The following DOCK2 variants were observed in gnomAD, a reference collection of about 807,000 sequenced individuals.
DOCK2 encodes the protein dedicator of cytokinesis protein 2.
A neutral mutation model predicts 248.9 loss-of-function variants in DOCK2; 87 were observed. The ratio of observed to expected loss-of-function variants is 0.35; its 90% CI spans 0.29 to 0.42. DOCK2 has a LOEUF of 0.42. Among genes scored for constraint, DOCK2 ranks in the 10% least tolerant of loss-of-function variants. DOCK2 has a pLI of 1.00. For synonymous variants in DOCK2, 805 were observed against 821.6 expected (o/e 0.98, Z 0.35); for missense variants, 1,747 against 2,300.2 (o/e 0.76, Z 4.92).
intron 27 of DOCK2, among the ~76,000 whole-genome samples, chr5:169,953,411 A>G (rs1231785362): frequency 1.3e-5 from 2 of 151,424 alleles, no homozygotes; most frequent in Admixed American, 6.6e-5. Context: ...AGCTTCCTCT[A>G]TTTCTGAGAG....
chr5:169,786,462 G>A (rs776605854), intron 25 of DOCK2, among the ~76,000 whole-genome samples: 7 of 152,146 alleles, frequency 4.6e-5, no homozygotes, highest in African/African-American at 9.7e-5. Flanking sequence ...TTAATGAGAT[G>A]ATGAAACCGA....
intron 21 of DOCK2, 55 bp downstream of exon 21, chr5:169,717,539 G>C (rs2113552980): frequency 1.3e-6 from 2 of 1,500,378 alleles, no homozygotes; most frequent in Non-Finnish European, 1.9e-6. Flanking sequence ...GCCCTGCCAG[G>C]ATGCCTAGGG....
intron 44 of DOCK2, among the ~76,000 whole-genome samples, chr5:170,058,040 TC>T (rs1317235469): frequency 6.6e-6 from 1 of 152,168 alleles, no homozygotes; most frequent in Non-Finnish European, 1.5e-5. Context: ...CTGTGCAGTA[TC>T]CCAATATGAA....
chr5:169,965,780 A>G (rs936260802), intron 27 of DOCK2, among the ~76,000 whole-genome samples: 2 of 152,244 alleles, frequency 1.3e-5, no homozygotes, highest in African/African-American at 4.8e-5. Context: ...TTGATGTTAC[A>G]GATGAGGAAA....
At position 169,711,996 on chromosome 5, in the gene DOCK2, C is replaced by T. The variant is rs1328532960; in HGVS notation, c.1544C>T (p.Ser515Leu). 1 of 1,614,100 alleles carries T rather than the reference C, an allele frequency of 6.2e-7. No homozygotes were observed. The highest frequency in any genetic ancestry group is 8.5e-7 in the Non-Finnish European group (1 of 1,179,974). Residue 515 changes from serine to leucine, a missense_variant, in exon 16 of 52, where the codon TCA becomes TTA. By Grantham distance (145) the Ser-to-Leu change is moderately radical. Around this residue, in one of 4 missense-constraint regions of DOCK2, gnomAD observed 858 missense variants for 1,183.5 expected, o/e 0.72. Coordinates refer to ENST00000520908, the MANE Select transcript of DOCK2 (RefSeq NM_004946.3). ...CTGCGATTCATGTTTCGACATCGGTCATCTCTGGAATGTGAGTACCATACT... is the reference window on the plus strand; with the variant it reads ...CTGCGATTCATGTTTCGACATCGGTTATCTCTGGAATGTGAGTACCATACT... Reference protein sequence around the residue: ...IHLRFMFRHRSSLESKDKGEK... With the variant: ...IHLRFMFRHRLSLESKDKGEK...
intron 13 of DOCK2, among the ~76,000 whole-genome samples, chr5:169,700,475 G>A (rs770576303): frequency 2.0e-5 from 3 of 150,926 alleles, no homozygotes; most frequent in African/African-American, 4.9e-5. Flanking sequence ...TTTTATACAT[G>A]CAGAACAGTT....
intron 41 of DOCK2, among the ~76,000 whole-genome samples, chr5:170,053,361 C>T (rs946117029): frequency 2.0e-5 from 3 of 152,244 alleles, no homozygotes; most frequent in Admixed American, 1.3e-4. Flanking sequence ...TACTCAGCTC[C>T]GCTGTTGTAG....
intron 27 of DOCK2, among the ~76,000 whole-genome samples, chr5:169,872,220 C>G (rs762497629): frequency 1.3e-5 from 2 of 152,196 alleles, no homozygotes; most frequent in African/African-American, 2.4e-5. Flanking sequence ...TACTGACCTC[C>G]TGCAACTTTC....
At chr5:169,729,126 G>A (rs1025879595) in intron 22 of DOCK2, among the ~76,000 whole-genome samples, 5 of 152,176 alleles carry the variant, frequency 3.3e-5, no homozygotes, top group Admixed American at 6.5e-5. Context: ...CTGAATAAAC[G>A]TGTAGATTTA....
At chr5:170,057,253 C>T in intron 43 of DOCK2, 1 of 407,478 alleles carries the variant, frequency 2.5e-6, no homozygotes, top group South Asian at 2.2e-5. Flanking sequence ...GAGCCACTGC[C>T]TCTTTGAGAG....
Position 170,082,874 on chromosome 5 carries a change from G to C in DOCK2, c.*16G>C. On this transcript the variant is annotated 3_prime_UTR_variant, in exon 52 of 52. Coordinates refer to ENST00000520908, the MANE Select transcript of DOCK2 (RefSeq NM_004946.3). Reference sequence around the variant, plus strand: ...GGACCTGTGAGCTGCTGCTGACTAGGGCTGCATGGGAGAGCCAGGGAGGGG... The same window carrying C: ...GGACCTGTGAGCTGCTGCTGACTAGCGCTGCATGGGAGAGCCAGGGAGGGG... 6.2e-7 allele frequency: 1 copy of C among 1,614,150 alleles called. No individual in the cohort carries two copies. The highest frequency in any genetic ancestry group is 8.5e-7 in the Non-Finnish European group (1 of 1,180,016).
At chr5:169,726,326 A>G (rs1048828960) in intron 22 of DOCK2, among the ~76,000 whole-genome samples, 1 of 152,136 alleles carries the variant, frequency 6.6e-6, no homozygotes, top group East Asian at 1.9e-4. Flanking sequence ...GTCTGTTTAT[A>G]TACTTTGCCC....
Position 169,712,176 on chromosome 5 carries a change from G to C in DOCK2, c.1612G>C (p.Asp538His). The C allele has an allele frequency of 1.2e-6, 2 of 1,614,116 alleles. No individual in the cohort carries two copies. The highest frequency in any genetic ancestry group is 1.7e-6 in the Non-Finnish European group (2 of 1,179,970). Residue 538 changes from aspartate (D) to histidine (H), a missense_variant, in exon 17 of 52, where the codon GAT (aspartate) becomes CAT (histidine). By Grantham distance (81) the Asp-to-His change is moderately conservative (BLOSUM62 -1). Transcript: ENST00000520908. ...AMSYVKLMKEDGTTLHDGFHD... is the reference protein window; with the variant it reads ...AMSYVKLMKEHGTTLHDGFHD... Reference sequence around the variant, plus strand: ...GTCCTATGTGAAGCTGATGAAAGAAGATGGGACTACTCTACACGATGGATT... The same window carrying C: ...GTCCTATGTGAAGCTGATGAAAGAACATGGGACTACTCTACACGATGGATT...
chr5:169,823,798 G>T, intron 26 of DOCK2, among the ~76,000 whole-genome samples: 1 of 152,170 alleles, frequency 6.6e-6, no homozygotes, highest in East Asian at 1.9e-4. Flanking sequence ...AAGAAATAAA[G>T]GGTATTCAAT....
At chr5:169,666,995 C>CT (rs1325927202) in intron 2 of DOCK2, among the ~76,000 whole-genome samples, 1 of 152,144 alleles carries the variant, frequency 6.6e-6, no homozygotes, top group East Asian at 1.9e-4. Flanking sequence ...AGGTGCAACT[C>CT]TGAGAATTAG....
At chr5:169,825,890 C>T (rs910577624) in intron 26 of DOCK2, among the ~76,000 whole-genome samples, 1 of 151,230 alleles carries the variant, frequency 6.6e-6, no homozygotes, top group Admixed American at 6.6e-5. Context: ...ACACTACACC[C>T]TCTTGGTTAT....
At chr5:169,848,345 G>A (rs1395951192) in intron 27 of DOCK2, among the ~76,000 whole-genome samples, 2 of 152,172 alleles carry the variant, frequency 1.3e-5, no homozygotes, top group Non-Finnish European at 2.9e-5. Flanking sequence ...TGTGAACCAG[G>A]GACACCAGAG....
At chr5:170,065,301 A>G (rs539875808) in intron 44 of DOCK2, among the ~76,000 whole-genome samples, 2 of 152,340 alleles carry the variant, frequency 1.3e-5, no homozygotes, top group East Asian at 3.9e-4. Context: ...ACAGAAAGCC[A>G]TCAAATCACA....
chr5:169,877,655 TTAGATAGA>T (rs60864148), intron 27 of DOCK2, among the ~76,000 whole-genome samples: 1 of 152,038 alleles, frequency 6.6e-6, no homozygotes, highest in Non-Finnish European at 1.5e-5. Flanking sequence ...CTTGAAAATT[TTAGATAGA>T]TAGATAGATA....
Sources: allele counts gnomAD v4.1 joint callset (sites outside exome capture counted in the v4.1 genomes callset), GRCh38; gene constraint gnomAD v4.1.1; regional missense constraint gnomAD v4.1.1; transcripts MANE v1.5; gene names NCBI Gene and HGNC (gene_info 2026-07-23, HGNC 2026-07-21).